The following SORCS2 variants were observed in gnomAD, a reference collection of about 807,000 sequenced individuals.
SORCS2 encodes sortilin related VPS10 domain containing receptor 2.
A neutral mutation model predicts 141.6 loss-of-function variants in SORCS2; 100 were observed. The ratio of observed to expected loss-of-function variants is 0.71; its 90% CI spans 0.60 to 0.83. The LOEUF (loss-of-function observed/expected upper bound fraction) is 0.83. SORCS2 is among the 40% of genes least tolerant of loss of function. SORCS2 has a pLI of 0.00. For missense variants in SORCS2, 1,646 were observed against 1,560.2 expected (o/e 1.05, Z -0.93); for synonymous variants, 789 against 676.9 (o/e 1.17, Z -2.57).
At position 7,286,034 on chromosome 4, in the gene SORCS2, C is replaced by T. The variant is rs991488634; in HGVS notation, c.480+92908C>T. 1.3e-5 allele frequency among the ~76,000 whole-genome samples: 2 copies of T among 152,186 alleles called. No homozygotes were observed. Among genetic ancestry groups the T allele is most frequent in the African/African-American group, 4.8e-5 (2 of 41,444 alleles). On this transcript the variant is annotated intron_variant, in intron 1 of 26. Coordinates refer to ENST00000507866, the MANE Select transcript of SORCS2 (RefSeq NM_020777.3). This position sits in a 1 kb window ranked among gnomAD's most constrained non-coding sequence, Gnocchi z 4.1. ...CCGTGCCCTGCCGAGAGCCAGCTGC[C>T]CCGCCGGGGGCTCCCTGCCTGCCTC...
chr4:7,360,571 C>CTTTTTTTTTTTTTTT lies in SORCS2; in HGVS notation c.481-35706_481-35692dup, dbSNP rs753548897. On this transcript the variant is annotated intron_variant, in intron 1 of 26. Transcript: ENST00000507866. ...TCCCTAAATACCCTCCCAGTCCCTT[C>CTTTTTTTTTTTTTTT]TTTTTTTTTTTTTTTTTTTTTTTTT... Among the ~76,000 whole-genome samples, 139 of 49,282 alleles carry CTTTTTTTTTTTTTTT rather than the reference C, an allele frequency of 2.8e-3. 38 individuals are homozygous for CTTTTTTTTTTTTTTT. Among genetic ancestry groups the CTTTTTTTTTTTTTTT allele is most frequent in the African/African-American group, 8.8e-3 (90 of 10,242 alleles). The allele number at this position is 49,282 out of a possible 152,430, so 32.3% of individuals were successfully genotyped here. A position where few individuals can be genotyped will look rare whatever the true frequency, so the allele number is the denominator to read the frequency against.
intron 2 of SORCS2, among the ~76,000 whole-genome samples, chr4:7,468,566 T>A (rs931923867): frequency 2.0e-5 from 3 of 152,250 alleles, no homozygotes; most frequent in African/African-American, 7.2e-5. Context: ...TTGGAAAGGT[T>A]TGTTGAATGC....
chr4:7,565,305 G>A (rs1259236470), intron 3 of SORCS2, among the ~76,000 whole-genome samples: 2 of 152,186 alleles, frequency 1.3e-5, no homozygotes, highest in South Asian at 2.1e-4. Flanking sequence ...TCTGCTCTTG[G>A]AATAAAAGCT....
intron 1 of SORCS2, 72 bp from the exon 2 acceptor site, chr4:7,396,216 T>A: frequency 6.9e-7 from 1 of 1,442,156 alleles, no homozygotes; most frequent in Non-Finnish European, 9.6e-7. Flanking sequence ...CACGGAGTGG[T>A]GTCACTGTAC....
intron 3 of SORCS2, among the ~76,000 whole-genome samples, chr4:7,584,062 G>C (rs4689787): frequency 2.2e-4 from 33 of 152,028 alleles, no homozygotes; most frequent in Non-Finnish European, 4.1e-4. Flanking sequence ...TGTGTCTTGC[G>C]GACACTAACA....
chr4:7,359,101 G>C (rs1035378221), intron 1 of SORCS2, among the ~76,000 whole-genome samples: 1 of 152,236 alleles, frequency 6.6e-6, no homozygotes, highest in African/African-American at 2.4e-5. Context: ...TTCAAGACCA[G>C]CCTGGCCAAC....
At position 7,192,929 on chromosome 4, in the gene SORCS2, G is replaced by A. The variant is rs892330951; in HGVS notation, c.283G>A (p.Gly95Ser). 8.7e-6 allele frequency: 11 copies of A among 1,258,926 alleles called. No individual in the cohort carries two copies. The African/African-American group carries it at 1.3e-4, about 14-fold the overall frequency. The allele number at this position is 1,258,926 out of a possible 1,614,324, so 78.0% of individuals were successfully genotyped here. ...GCGCGGCACGGAGCCAGGCGCCCCG[G>A]GTCCGAGTCCCGGTCCCGCTCCTGG... ...QARGTEPGAP[G>S]PSPGPAPGPG... The change falls in exon 1 of 27, where the codon GGT becomes AGT. Residue 95 changes from glycine (G) to serine (S), a missense_variant. Gly to Ser is a moderately conservative substitution (Grantham distance 56). Coordinates refer to ENST00000507866, the MANE Select transcript of SORCS2 (RefSeq NM_020777.3). The surrounding 1 kb of genome is among the most constrained non-coding windows in gnomAD (Gnocchi z 4.0).
chr4:7,411,723 C>G (rs1238559182), intron 2 of SORCS2, among the ~76,000 whole-genome samples: 1 of 152,116 alleles, frequency 6.6e-6, no homozygotes, highest in Non-Finnish European at 1.5e-5. Flanking sequence ...GGGGTACAGA[C>G]AAGGAACCAA....
At chr4:7,324,378 G>A (rs982993984) in intron 1 of SORCS2, among the ~76,000 whole-genome samples, 2 of 152,202 alleles carry the variant, frequency 1.3e-5, no homozygotes, top group Non-Finnish European at 2.9e-5. Context: ...CCTAAATGCT[G>A]CCCACCTGGA....
At chr4:7,269,230 G>A (rs940538620) in intron 1 of SORCS2, among the ~76,000 whole-genome samples, 1 of 152,214 alleles carries the variant, frequency 6.6e-6, no homozygotes, top group African/African-American at 2.4e-5. Flanking sequence ...GGTGTCCCAG[G>A]AGGATGGCAC....
chr4:7,455,746 G>C (rs1011785029), intron 2 of SORCS2, among the ~76,000 whole-genome samples: 1 of 151,460 alleles, frequency 6.6e-6, no homozygotes, highest in Non-Finnish European at 1.5e-5. Flanking sequence ...GTCAGGCTCC[G>C]TCTTGGGGTC....
At chr4:7,727,671 T>C (rs1319653610) in intron 21 of SORCS2, among the ~76,000 whole-genome samples, 3 of 152,158 alleles carry the variant, frequency 2.0e-5, no homozygotes, top group South Asian at 2.1e-4. Flanking sequence ...ACCACCCTCA[T>C]TGTAAGATGT....
intron 3 of SORCS2, among the ~76,000 whole-genome samples, chr4:7,595,394 G>A (rs115913417): frequency 0.012 from 1,761 of 152,144 alleles, 35 homozygotes; most frequent in African/African-American, 0.04. Flanking sequence ...ACTGGCCATT[G>A]GTGACTAACT....
chr4:7,728,331 C>T lies in SORCS2; in HGVS notation c.2870-19C>T. Reference sequence around the variant, plus strand: ...GGCTGTCCAGAACTGACCAGTCTCCCTTCTCTGCGTCTTTCCAGATCAATT... The same window carrying T: ...GGCTGTCCAGAACTGACCAGTCTCCTTTCTCTGCGTCTTTCCAGATCAATT... On this transcript the variant is annotated intron_variant, in intron 21 of 26. Coordinates refer to ENST00000507866, the MANE Select transcript of SORCS2 (RefSeq NM_020777.3). The T allele has an allele frequency of 6.3e-7, 1 of 1,594,444 alleles. No homozygotes were observed. Among genetic ancestry groups the T allele is most frequent in the South Asian group, 1.1e-5 (1 of 89,674 alleles).
At chr4:7,232,482 G>A (rs1326225974) in intron 1 of SORCS2, among the ~76,000 whole-genome samples, 1 of 152,188 alleles carries the variant, frequency 6.6e-6, no homozygotes, top group African/African-American at 2.4e-5. Context: ...AGCCCAGGAT[G>A]GCGGATTTAT....
intron 5 of SORCS2, among the ~76,000 whole-genome samples, chr4:7,655,661 C>T (rs952689415): frequency 6.6e-6 from 1 of 152,228 alleles, no homozygotes; most frequent in African/African-American, 2.4e-5. Context: ...CCCGGTTCCT[C>T]CCTCGGAAAC....
chr4:7,458,181 C>T (rs1298510506), intron 2 of SORCS2, among the ~76,000 whole-genome samples: 4 of 152,126 alleles, frequency 2.6e-5, no homozygotes, highest in East Asian at 1.9e-4. Flanking sequence ...CCTGGGAAGG[C>T]ATTGCTGAGT....
At chr4:7,385,891 C>T (rs888229909) in intron 1 of SORCS2, among the ~76,000 whole-genome samples, 1 of 152,192 alleles carries the variant, frequency 6.6e-6, no homozygotes. Flanking sequence ...TGAGCACTGA[C>T]CGAATGCTTC....
chr4:7,623,012 C>T (rs185445516), intron 3 of SORCS2, among the ~76,000 whole-genome samples: 13 of 152,194 alleles, frequency 8.5e-5, no homozygotes, highest in African/African-American at 2.2e-4. Context: ...GACTGATGAC[C>T]GATGGCATAT....
Sources: allele counts gnomAD v4.1 joint callset (sites outside exome capture counted in the v4.1 genomes callset), GRCh38; gene constraint gnomAD v4.1.1; non-coding constraint Gnocchi (gnomAD v3.1); transcripts MANE v1.5; gene names NCBI Gene and HGNC (gene_info 2026-07-23, HGNC 2026-07-21).